The following NOVA1 variants were observed in gnomAD, a reference collection of about 807,000 sequenced individuals.
NOVA1 encodes NOVA alternative splicing regulator 1.
A neutral mutation model predicts 38.0 loss-of-function variants in NOVA1; 7 were observed. The observed-to-expected ratio is 0.18, with a 90% CI of 0.10 to 0.35. NOVA1 has a LOEUF of 0.35. Among genes scored for constraint, NOVA1 ranks in the 10% least tolerant of loss-of-function variants. The probability of loss-of-function intolerance (pLI) is 1.00; values close to 1 mark genes in which losing one functional copy is unlikely to be tolerated. For synonymous variants in NOVA1, 270 were observed against 232.5 expected (o/e 1.16, Z -1.47); for missense variants, 460 against 616.0 (o/e 0.75, Z 2.68).
intron 2 of NOVA1, among the ~76,000 whole-genome samples, chr14:26,529,664 C>T (rs1165584303): frequency 6.6e-6 from 1 of 152,136 alleles, no homozygotes; most frequent in Non-Finnish European, 1.5e-5. Flanking sequence ...CTCATGGTCT[C>T]CCAGGTTCTA....
intron 2 of NOVA1, among the ~76,000 whole-genome samples, chr14:26,516,370 C>A (rs1049815602): frequency 3.9e-5 from 6 of 152,014 alleles, no homozygotes; most frequent in African/African-American, 1.4e-4. Flanking sequence ...TCATGTGGCC[C>A]AATTTATTGT....
In NOVA1 at chr14:26,556,988, T is replaced by C. The variant is rs77590578; in HGVS notation, c.280+38422A>G. ...TGTCAGGGGTGATTTCTTTTGAGGA[T>C]GTATCTTTCCAAGCCTCTCTCCTTG... On this transcript the variant is annotated intron_variant, in intron 2 of 4. Coordinates refer to ENST00000539517, the MANE Select transcript of NOVA1 (RefSeq NM_002515.3). Among the ~76,000 whole-genome samples the C allele has an allele frequency of 2.7e-3, 405 of 152,264 alleles. 1 individual carries two copies. Among genetic ancestry groups the C allele is most frequent in the Admixed American group, 5.3e-3 (81 of 15,302 alleles).
intron 2 of NOVA1, among the ~76,000 whole-genome samples, chr14:26,539,086 T>C (rs2059996807): frequency 6.6e-6 from 1 of 152,198 alleles, no homozygotes. Flanking sequence ...ATTTCTTACA[T>C]TGTATTTATG....
intron 4 of NOVA1, among the ~76,000 whole-genome samples, chr14:26,455,911 G>T (rs992001924): frequency 1.3e-5 from 2 of 151,870 alleles, no homozygotes; most frequent in Non-Finnish European, 2.9e-5. Context: ...ATAATTTGGG[G>T]TATTGTCTTC....
At position 26,523,261 on chromosome 14, in the gene NOVA1, C is replaced by T. The variant is rs557671146; in HGVS notation, c.281-43118G>A. ...AAAATGCTTCTGACCATTGCTTTCTCGTGTGTTGGTAATGCTGCAATGAGT... is the reference window on the plus strand; with the variant it reads ...AAAATGCTTCTGACCATTGCTTTCTTGTGTGTTGGTAATGCTGCAATGAGT... On this transcript the variant is annotated intron_variant, in intron 2 of 4. Transcript: ENST00000539517. Among the ~76,000 whole-genome samples, 10 of 152,262 alleles carry T rather than the reference C, an allele frequency of 6.6e-5. 1 individual carries two copies. In the South Asian group the frequency reaches 1.2e-3, roughly 19 times the overall value.
chr14:26,589,520 C>T (rs921953227), intron 2 of NOVA1, among the ~76,000 whole-genome samples: 1 of 151,748 alleles, frequency 6.6e-6, no homozygotes, highest in African/African-American at 2.4e-5. Flanking sequence ...TGTTGGAACA[C>T]TTCAAACTAC....
At chr14:26,539,195 G>C (rs939401752) in intron 2 of NOVA1, among the ~76,000 whole-genome samples, 1 of 152,100 alleles carries the variant, frequency 6.6e-6, no homozygotes, top group African/African-American at 2.4e-5. Context: ...CCAGCATGCA[G>C]GACAGTGCCG....
At chr14:26,519,603 C>G (rs1342227911) in intron 2 of NOVA1, 2 of 152,088 alleles carry the variant, frequency 1.3e-5, no homozygotes, top group African/African-American at 2.4e-5. Flanking sequence ...GAAAGAGAAA[C>G]AGGAATCATA....
intron 2 of NOVA1, among the ~76,000 whole-genome samples, chr14:26,487,179 A>G (rs1885985188): frequency 6.6e-6 from 1 of 152,188 alleles, no homozygotes; most frequent in African/African-American, 2.4e-5. Flanking sequence ...ATGTAGTAGT[A>G]CATTCTTTCA....
At chr14:26,517,522 T>C (rs995361141) in intron 2 of NOVA1, among the ~76,000 whole-genome samples, 1 of 152,172 alleles carries the variant, frequency 6.6e-6, no homozygotes, top group African/African-American at 2.4e-5. Context: ...TAAGAGTTCA[T>C]TAAATATTTG....
At chr14:26,514,968 T>C (rs1404345202) in intron 2 of NOVA1, among the ~76,000 whole-genome samples, 2 of 151,938 alleles carry the variant, frequency 1.3e-5, no homozygotes, top group South Asian at 2.1e-4. Flanking sequence ...ATTATTTTAA[T>C]ATTTATCTTT....
chr14:26,479,930 T>C (rs773024034), intron 3 of NOVA1, 47 bp downstream of exon 3: 6 of 1,594,220 alleles, frequency 3.8e-6, no homozygotes, highest in South Asian at 1.1e-5. Context: ...AAGGAACTTA[T>C]ACTATGCTGT....
chr14:26,558,129 G>A (rs1891605324), intron 2 of NOVA1, among the ~76,000 whole-genome samples: 1 of 151,882 alleles, frequency 6.6e-6, no homozygotes, highest in South Asian at 2.1e-4. Context: ...GGAAAAAAGG[G>A]GAAATGGACA....
intron 4 of NOVA1, among the ~76,000 whole-genome samples, chr14:26,462,755 A>C (rs1193814074): frequency 6.6e-6 from 1 of 152,152 alleles, no homozygotes; most frequent in Non-Finnish European, 1.5e-5. Context: ...AAAAGTAGGA[A>C]ATCAAGACGC....
intron 2 of NOVA1, among the ~76,000 whole-genome samples, chr14:26,563,327 T>TAA (rs57064982): frequency 2.9e-5 from 4 of 137,396 alleles, no homozygotes; most frequent in Admixed American, 7.2e-5. Context: ...TATGTCACAT[T>TAA]AAAAAAAAAA....
At position 26,585,638 on chromosome 14, in the gene NOVA1, A is replaced by AAT. The variant is rs201369181; in HGVS notation, c.280+9770_280+9771dup. Among the ~76,000 whole-genome samples, 238 of 151,254 alleles carry AAT rather than the reference A, an allele frequency of 1.6e-3. 7 individuals are homozygous for AAT. In the East Asian group the frequency reaches 0.035, roughly 23 times the overall value. On this transcript the variant is annotated intron_variant, in intron 2 of 4. Coordinates refer to ENST00000539517, the MANE Select transcript of NOVA1 (RefSeq NM_002515.3). The stretch of plus-strand genomic sequence containing the variant: ...ATGTGATACAGCTATAAAATCTTGT[A>AAT]ATATATATATACTTTTAATATACTT...
chr14:26,477,629 A>G (rs1885093761), intron 3 of NOVA1, among the ~76,000 whole-genome samples: 1 of 152,128 alleles, frequency 6.6e-6, no homozygotes, highest in African/African-American at 2.4e-5. Context: ...ATTTTAATCT[A>G]TTCTATTGCA....
chr14:26,535,782 C>A (rs1890030788), intron 2 of NOVA1, among the ~76,000 whole-genome samples: 1 of 151,680 alleles, frequency 6.6e-6, no homozygotes, highest in African/African-American at 2.4e-5. Flanking sequence ...GCGGTGAAAA[C>A]CCGTCTCTAC....
chr14:26,509,771 C>T (rs1291708751), intron 2 of NOVA1, among the ~76,000 whole-genome samples: 2 of 152,276 alleles, frequency 1.3e-5, no homozygotes, highest in East Asian at 3.9e-4. Context: ...ACCTCTGCCT[C>T]CTGGGTTCAA....
Sources: allele counts gnomAD v4.1 joint callset (sites outside exome capture counted in the v4.1 genomes callset), GRCh38; gene constraint gnomAD v4.1.1; transcripts MANE v1.5; gene names NCBI Gene and HGNC (gene_info 2026-07-23, HGNC 2026-07-21).